The following TNIP2 variants were observed in gnomAD, a reference collection of about 807,000 sequenced individuals.
TNIP2 encodes TNFAIP3 interacting protein 2, also known as TNFAIP3-interacting protein 2.
A neutral mutation model predicts 43.7 loss-of-function variants in TNIP2; 30 were observed. The observed-to-expected ratio is 0.69, with a 90% confidence interval of 0.51 to 0.93. The LOEUF is 0.93. TNIP2 is among the 40% of genes least tolerant of loss of function. The pLI, the probability that TNIP2 is intolerant of heterozygous loss-of-function variation, is 0.00. For synonymous variants in TNIP2, 260 were observed against 254.6 expected, an observed-to-expected ratio of 1.02 and a Z score of -0.20; for missense variants, 599 against 591.0, an observed-to-expected ratio of 1.01 and a Z score of -0.14.
At chr4:2,748,610 A>C (rs915409819) in intron 1 of TNIP2, among the ~76,000 whole-genome samples, 1 of 152,084 alleles carries the variant, frequency 6.6e-6, no homozygotes, top group Non-Finnish European at 1.5e-5. Context: ...CGCCCACCTC[A>C]GCCTCCCAAA....
rs1035048506 is a variant in TNIP2, at chr4:2,744,194, A to G, written c.1026+193T>C. 8.5e-5 allele frequency among the ~76,000 whole-genome samples: 13 copies of G among 152,140 alleles called. No homozygotes were observed. Among genetic ancestry groups the G allele is most frequent in the Non-Finnish European group, 1.8e-4 (12 of 68,014 alleles). ...CCAGCCTCCTCCATAACTAAACAGTATAACAGGGAGGCTTTCCATGACCAC... is the reference window on the plus strand; with the variant it reads ...CCAGCCTCCTCCATAACTAAACAGTGTAACAGGGAGGCTTTCCATGACCAC... On this transcript the variant is annotated intron_variant, in intron 5 of 5. Coordinates refer to ENST00000315423, the MANE Select transcript of TNIP2 (RefSeq NM_024309.4). This position sits in a 1 kb window ranked among gnomAD's most constrained non-coding sequence, Gnocchi z 5.1.
intron 1 of TNIP2, among the ~76,000 whole-genome samples, chr4:2,751,276 C>T (rs1722096352): frequency 6.6e-6 from 1 of 152,236 alleles, no homozygotes. Context: ...GGTCTACACA[C>T]ACAGGCACAA....
In TNIP2 at chr4:2,745,197, T is replaced by C. The variant is rs142721332; in HGVS notation, c.657+249A>G. ...GGTGCAGCTTTGCTGTCTTAGAAAATGGACCTCCTGCTGCTAACTCTTGCA... is the reference window on the plus strand; with the variant it reads ...GGTGCAGCTTTGCTGTCTTAGAAAACGGACCTCCTGCTGCTAACTCTTGCA... On this transcript the variant is annotated intron_variant, in intron 3 of 5. Coordinates refer to ENST00000315423, the MANE Select transcript of TNIP2 (RefSeq NM_024309.4). 1,249 of 608,838 alleles carry C rather than the reference T, an allele frequency of 2.1e-3. 6 individuals carry two copies. The highest frequency in any genetic ancestry group is 0.02 in the African/African-American group (1,098 of 54,128). The allele number at this position is 608,838 out of a possible 1,614,324, so 37.7% of individuals were successfully genotyped here.
At chr4:2,753,159 C>T (rs1488181057) in intron 1 of TNIP2, among the ~76,000 whole-genome samples, 3 of 152,196 alleles carry the variant, frequency 2.0e-5, no homozygotes, top group Non-Finnish European at 4.4e-5. Context: ...TCCCCCCATG[C>T]TGGGCGTGGT....
intron 5 of TNIP2, among the ~76,000 whole-genome samples, chr4:2,743,406 C>T (rs1484908415): frequency 6.6e-6 from 1 of 152,192 alleles, no homozygotes; most frequent in Non-Finnish European, 1.5e-5. Flanking sequence ...ACCAATAGTG[C>T]TCCTTCAATC....
chr4:2,745,071 G>T, intron 3 of TNIP2, 126 bp from the exon 4 acceptor site: 1 of 1,257,274 alleles, frequency 8.0e-7, no homozygotes, highest in Non-Finnish European at 1.1e-6. Flanking sequence ...AATGGAAGCT[G>T]CCCCTCCCTG....
chr4:2,754,280 A>T (rs1385942121), intron 1 of TNIP2, among the ~76,000 whole-genome samples: 1 of 152,262 alleles, frequency 6.6e-6, no homozygotes, highest in Non-Finnish European at 1.5e-5. Context: ...GCTCACCCGA[A>T]TGTTTCAGAT....
chr4:2,754,439 C>T (rs150650525), intron 1 of TNIP2, among the ~76,000 whole-genome samples: 3,592 of 152,362 alleles, frequency 0.024, 58 homozygotes, highest in Middle Eastern at 0.048. Flanking sequence ...GTTTTTGAGA[C>T]GGAGTCTCGC....
At chr4:2,755,107 A>G (rs185929940) in intron 1 of TNIP2, among the ~76,000 whole-genome samples, 87 of 152,174 alleles carry the variant, frequency 5.7e-4, no homozygotes, top group African/African-American at 2.0e-3. Context: ...TGAAAGACAC[A>G]TGCATGGGTG....
At chr4:2,750,601 G>A (rs968167815) in intron 1 of TNIP2, among the ~76,000 whole-genome samples, 3 of 151,540 alleles carry the variant, frequency 2.0e-5, no homozygotes, top group Admixed American at 1.3e-4. Flanking sequence ...GTGCTGTGAC[G>A]GTGCCACTGC....
In TNIP2 at chr4:2,756,307, G is replaced by T; in HGVS notation, c.-18C>A. 1 of 1,218,452 alleles carries T rather than the reference G, an allele frequency of 8.2e-7. No individual in the cohort carries two copies. The allele number at this position is 1,218,452 out of a possible 1,614,324, so 75.5% of individuals were successfully genotyped here. On this transcript the variant is annotated 5_prime_UTR_variant, in exon 1 of 6. Coordinates refer to ENST00000315423, the MANE Select transcript of TNIP2 (RefSeq NM_024309.4). The stretch of plus-strand genomic sequence containing the variant: ...CGGGACATGGCTGTAGGCCCGCCCG[G>T]GAGGCCGCGCGGCCGCCGGCAACTT...
intron 1 of TNIP2, among the ~76,000 whole-genome samples, chr4:2,754,677 AG>A (rs753899309): frequency 5.3e-5 from 8 of 152,324 alleles, no homozygotes; most frequent in African/African-American, 9.6e-5. Context: ...GGCCTCCCAA[AG>A]TGCTGGGATT....
Position 2,745,543 on chromosome 4 carries a change from A to G in TNIP2, c.568-8T>C. Reference sequence around the variant, plus strand: ...CCCATCTGTGTGTTCCGACTGCATGAGGAAGGGACAGAGAGAAGACACTCT... The same window carrying G: ...CCCATCTGTGTGTTCCGACTGCATGGGGAAGGGACAGAGAGAAGACACTCT... On this transcript the variant is annotated splice_region_variant and splice_polypyrimidine_tract_variant and intron_variant, in intron 2 of 5. Coordinates refer to ENST00000315423, the MANE Select transcript of TNIP2 (RefSeq NM_024309.4). The G allele has an allele frequency of 6.2e-7, 1 of 1,605,336 alleles. No individual in the cohort carries two copies.
At chr4:2,751,757 A>G (rs1560648121) in intron 1 of TNIP2, among the ~76,000 whole-genome samples, 2 of 146,148 alleles carry the variant, frequency 1.4e-5, no homozygotes, top group Non-Finnish European at 3.0e-5. Flanking sequence ...TGGGCAACAG[A>G]GTGACCCTGT....
Position 2,744,949 on chromosome 4 carries a change from A to C in TNIP2, c.658-4T>G, listed in dbSNP as rs561523763. 1.3e-6 allele frequency: 2 copies of C among 1,599,378 alleles called. 1 individual carries two copies. Among genetic ancestry groups the C allele is most frequent in the Admixed American group, 3.4e-5 (2 of 59,476 alleles). ...ACTTGGCATTGAGGTCTTCAACCTGAAGAGGTGGAGCCGGAAAGCTCACGG... is the reference window on the plus strand; with the variant it reads ...ACTTGGCATTGAGGTCTTCAACCTGCAGAGGTGGAGCCGGAAAGCTCACGG... On this transcript the variant is annotated splice_region_variant and splice_polypyrimidine_tract_variant and intron_variant, in intron 3 of 5. Transcript: ENST00000315423. This position sits in a 1 kb window ranked among gnomAD's most constrained non-coding sequence, Gnocchi z 5.1.
intron 1 of TNIP2, among the ~76,000 whole-genome samples, chr4:2,748,163 T>C (rs185688724): frequency 1.1e-3 from 175 of 152,278 alleles, no homozygotes; most frequent in African/African-American, 4.1e-3. Context: ...TGTTCTGTTC[T>C]GAAACTTCAT....
Position 2,744,419 on chromosome 4 carries a change from C to T in TNIP2, c.994G>A (p.Ala332Thr), listed in dbSNP as rs143796684. The change falls in exon 5 of 6, where the codon GCC becomes ACC. Residue 332 changes from alanine to threonine, a missense_variant. Ala to Thr is a moderately conservative substitution (Grantham distance 58). Coordinates refer to ENST00000315423, the MANE Select transcript of TNIP2 (RefSeq NM_024309.4). The surrounding 1 kb of genome is among the most constrained non-coding windows in gnomAD (Gnocchi z 5.1). ...SRIQELEEKV[A>T]SLLHQVSWRQ... ...CAGGACACCTGGTGCAGCAAAGAGG[C>T]GACCTTTTCCTCCAGTTCTTGAATC... 8.7e-4 allele frequency: 1,406 copies of T among 1,614,240 alleles called. No homozygotes were observed. The highest frequency in any genetic ancestry group is 1.1e-3 in the Non-Finnish European group (1,314 of 1,180,036).
chr4:2,745,467 C>T lies in TNIP2; in HGVS notation c.636G>A (p.Leu212=), dbSNP rs61734614. Residue 212 remains leucine (L), a synonymous_variant, in exon 3 of 6, where the codon CTG becomes CTA. Coordinates refer to ENST00000315423, the MANE Select transcript of TNIP2 (RefSeq NM_024309.4). ...VIEKLQEENR[L]LKQKVTHVED... is the part of the protein sequence containing the mutation. ...TCACGTGAGTCACCTTCTGTTTTAA[C>T]AGTCGATTTTCTTCCTGCAACTTCT... 0.02 allele frequency: 32,459 copies of T among 1,613,326 alleles called. 407 individuals are homozygous for T. The highest frequency in any genetic ancestry group is 0.024 in the Non-Finnish European group (28,067 of 1,179,368).
chr4:2,746,494 C>T (rs922759928), intron 2 of TNIP2, among the ~76,000 whole-genome samples: 9 of 152,200 alleles, frequency 5.9e-5, no homozygotes, highest in African/African-American at 1.9e-4. Flanking sequence ...TCCGCCCAGA[C>T]GGCACTTTTC....
Sources: allele counts gnomAD v4.1 joint callset (sites outside exome capture counted in the v4.1 genomes callset), GRCh38; gene constraint gnomAD v4.1.1; non-coding constraint Gnocchi (gnomAD v3.1); transcripts MANE v1.5; gene names NCBI Gene and HGNC (gene_info 2026-07-23, HGNC 2026-07-21).